TEX13B: variants seen among roughly 807,000 people sequenced by gnomAD.
TEX13B encodes the protein testis-expressed protein 13B.
In TEX13B, 5 loss-of-function variants were observed where a neutral mutation model predicts 11.2. That is an observed-to-expected ratio of 0.44 (90% confidence interval 0.23 to 0.93). The LOEUF (loss-of-function observed/expected upper bound fraction) is 0.93. TEX13B is among the 40% of genes least tolerant of loss of function. The pLI, the probability that TEX13B is intolerant of heterozygous loss-of-function variation, is 0.23. For missense variants in TEX13B, 213 were observed against 244.2 expected, an observed-to-expected ratio of 0.87 and a Z score of 0.85; for synonymous variants, 115 against 100.9, an observed-to-expected ratio of 1.14 and a Z score of -0.84.
At chrX:107,981,620 G>T (rs374223829) in intron 2 of TEX13B, 49 bp downstream of exon 2, 2 of 1,194,103 alleles carry the variant, frequency 1.7e-6, no homozygotes, top group East Asian at 5.9e-5. Context: ...GTCCGGACAG[G>T]TTGGGGCAGG....
At position 107,980,948 on chromosome X, in the gene TEX13B, G is replaced by C. The variant is rs753317029; in HGVS notation, c.*132C>G. The C allele has an allele frequency of 1.2e-5, 12 of 971,841 alleles. No individual in the cohort carries two copies. Among genetic ancestry groups the C allele is most frequent in the Non-Finnish European group, 1.6e-5 (11 of 684,232 alleles). The allele number at this position is 971,841 out of a possible 1,213,427, so 80.1% of individuals were successfully genotyped here. A position where few individuals can be genotyped will look rare whatever the true frequency, so the allele number is the denominator to read the frequency against. On this transcript the variant is annotated 3_prime_UTR_variant, in exon 3 of 3. Transcript: ENST00000302917. ...TGAAAAATTCACAGCTTTACACCAC[G>C]GGCAGTCCCAGTTCCCTGGCCTGCG...
rs1457454102 is a variant in TEX13B, at chrX:107,982,170, G to A, written c.-32-11C>T. On this transcript the variant is annotated splice_polypyrimidine_tract_variant and intron_variant, in intron 1 of 2. Coordinates refer to ENST00000302917, the MANE Select transcript of TEX13B (RefSeq NM_031273.2). The stretch of plus-strand genomic sequence containing the variant: ...ACGGTTTCACTAGCCCTGTGTGGAT[G>A]GAGCAGCCAATAGGTTTCTTTCCTC... 1.8e-6 allele frequency: 2 copies of A among 1,124,130 alleles called. No homozygotes were observed. The highest frequency in any genetic ancestry group is 2.4e-6 in the Non-Finnish European group (2 of 843,501). The allele number at this position is 1,124,130 out of a possible 1,213,427, so 92.6% of individuals were successfully genotyped here.
chrX:107,981,126 T>C lies in TEX13B; in HGVS notation c.893A>G (p.His298Arg). Residue 298 changes from histidine to arginine, a missense_variant, in exon 3 of 3, where the codon CAC becomes CGC. Physicochemically the swap from His to Arg is conservative, Grantham distance 29. Transcript: ENST00000302917. ...GGCATCTGAGTTGGAACCCGTTCTG[T>C]GACCTTTGCTGGTGAAGGGGGTATA... ...TQYTPFTSKG[H>R]RTGSNSDAFQ... The C allele has an allele frequency of 8.3e-7, 1 of 1,211,134 alleles. No individual in the cohort carries two copies. Among genetic ancestry groups the C allele is most frequent in the Non-Finnish European group, 1.1e-6 (1 of 895,377 alleles).
In TEX13B at chrX:107,981,489, C is replaced by T. The variant is rs968916197; in HGVS notation, c.530G>A (p.Trp177Ter). 3.3e-6 allele frequency: 4 copies of T among 1,210,102 alleles called. No homozygotes were observed. In the African/African-American group the frequency reaches 7.0e-5, roughly 21 times the overall value. The change falls in exon 3 of 3, where the codon TGG becomes TAG. Residue 177 changes from tryptophan to a stop codon, truncating the protein, a stop_gained. Transcript: ENST00000302917. LOFTEE classifies it low-confidence loss of function (END_TRUNC). ...FPGLATAGGD[W>*]TEGAGEQEKE... The stretch of plus-strand genomic sequence containing the variant: ...TTCCTGCTCACCTGCTCCTTCTGTC[C>T]AATCCCCTCCGGCAGTGGCCAGGCC...
In TEX13B at chrX:107,982,084, C is replaced by T; in HGVS notation, c.44G>A (p.Gly15Glu). 2 of 1,208,690 alleles carry T rather than the reference C, an allele frequency of 1.7e-6. No homozygotes were observed. Among genetic ancestry groups the T allele is most frequent in the South Asian group, 1.8e-5 (1 of 56,560 alleles). ...CTCGATGATGAAGGCCACCACGTTTCCGTGCCGGAACCCACTACTGGGGTC... is the reference window on the plus strand; with the variant it reads ...CTCGATGATGAAGGCCACCACGTTTTCGTGCCGGAACCCACTACTGGGGTC... Reference protein sequence around the residue: ...PEDPSSGFRHGNVVAFIIEKM... With the variant: ...PEDPSSGFRHENVVAFIIEKM... Residue 15 changes from glycine (G) to glutamate (E), a missense_variant, in exon 2 of 3, where the codon GGA becomes GAA. Transcript: ENST00000302917.
Position 107,982,350 on chromosome X carries a change from T to G in TEX13B, c.-73A>C, listed in dbSNP as rs6616672. The G allele has an allele frequency of 0.06, 21,784 of 365,427 alleles. 1,207 individuals are homozygous for G. The highest frequency in any genetic ancestry group is 0.25 in the African/African-American group (9,669 of 39,388). The allele number at this position is 365,427 out of a possible 1,213,427, so 30.1% of individuals were successfully genotyped here. A position where few individuals can be genotyped will look rare whatever the true frequency, so the allele number is the denominator to read the frequency against. On this transcript the variant is annotated 5_prime_UTR_variant, in exon 1 of 3. Coordinates refer to ENST00000302917, the MANE Select transcript of TEX13B (RefSeq NM_031273.2). The stretch of plus-strand genomic sequence containing the variant: ...CAGAGGAAGTACAGGCCAACCCCGC[T>G]GCTTAACACGCCTGAAGAGAGGGTG...
intron 1 of TEX13B, 50 bp downstream of exon 1, chrX:107,982,260 A>C: frequency 1.6e-6 from 1 of 624,248 alleles, no homozygotes; most frequent in Non-Finnish European, 2.3e-6. Flanking sequence ...CCTCCTAATG[A>C]CCCTCTGACC....
rs1407546466 is a variant in TEX13B at position 107,981,028 on chromosome X, G to C, written c.*52C>G. 2.4e-5 allele frequency: 29 copies of C among 1,201,006 alleles called. No homozygotes were observed. The highest frequency in any genetic ancestry group is 3.1e-5 in the Non-Finnish European group (28 of 890,675). ...GTTCGGAGTCTCTCCTGTCTCTTGG[G>C]GGCTCTTGAGGGTCTATTCCCTGGG... On this transcript the variant is annotated 3_prime_UTR_variant, in exon 3 of 3. Transcript: ENST00000302917.
chrX:107,981,551 T>C lies in TEX13B; in HGVS notation c.468A>G (p.Ala156=). ...TAGCCTGGCCCTGTCCCTGGGGAGG[T>C]GCCAGCTCCTGGAGAGAAGTAGGCA... ...LRWKLFHAEL[A]PPQGQGQATV... is the part of the protein sequence containing the mutation. Residue 156 remains alanine, a synonymous_variant, in exon 3 of 3, where the codon GCA becomes GCG. Coordinates refer to ENST00000302917, the MANE Select transcript of TEX13B (RefSeq NM_031273.2). 1 of 1,209,871 alleles carries C rather than the reference T, an allele frequency of 8.3e-7. No individual in the cohort carries two copies. The highest frequency in any genetic ancestry group is 1.1e-6 in the Non-Finnish European group (1 of 894,690).
rs745558335 is a variant in TEX13B, at chrX:107,981,307, C to T, written c.712G>A (p.Ala238Thr). 24 of 1,210,109 alleles carry T rather than the reference C, an allele frequency of 2.0e-5. No homozygotes were observed. The South Asian group carries it at 4.2e-4, about 21-fold the overall frequency. The change falls in exon 3 of 3, where the codon GCA becomes ACA. Residue 238 changes from alanine (A) to threonine (T), a missense_variant. Coordinates refer to ENST00000302917, the MANE Select transcript of TEX13B (RefSeq NM_031273.2). ...CTGACCTGAGATCTTTCTCCCTCTG[C>T]CCCGCAAAGGTGTAATTTGCCTGCT... ...IVAGKLHLCG[A>T]EGERSQVSTN...
rs1933758590 is a variant in TEX13B at position 107,981,219 on chromosome X, C to G, written c.800G>C (p.Cys267Ser). Residue 267 changes from cysteine (C) to serine (S), a missense_variant, in exon 3 of 3, where the codon TGT becomes TCT. Cys to Ser is a moderately radical substitution (Grantham distance 112). Coordinates refer to ENST00000302917, the MANE Select transcript of TEX13B (RefSeq NM_031273.2). Reference sequence around the variant, plus strand: ...TATGTGAATGAGGTAGGGAGCTGGACAGGAAGAGGCTCCAGTGAGACTGTG... The same window carrying G: ...TATGTGAATGAGGTAGGGAGCTGGAGAGGAAGAGGCTCCAGTGAGACTGTG... Reference protein sequence around the residue: ...WVHSLTGASSCPAPYLIHILI... With the variant: ...WVHSLTGASSSPAPYLIHILI... The G allele has an allele frequency of 2.5e-6, 3 of 1,209,953 alleles. No homozygotes were observed. Among genetic ancestry groups the G allele is most frequent in the Non-Finnish European group, 3.4e-6 (3 of 895,215 alleles).
chrX:107,981,392 G>A lies in TEX13B; in HGVS notation c.627C>T (p.Ala209=). The A allele has an allele frequency of 8.3e-7, 1 of 1,211,580 alleles. No homozygotes were observed. The highest frequency in any genetic ancestry group is 1.1e-6 in the Non-Finnish European group (1 of 895,439). Residue 209 remains alanine, a synonymous_variant, in exon 3 of 3, where the codon GCC becomes GCT. Transcript: ENST00000302917. ...GEERYAEAGP[A]PAEVLQGLGG... ...CCAGCCCCTGCAAGACCTCTGCGGG[G>A]GCAGGCCCTGCCTCTGCATACCTCT...
At position 107,980,944 on chromosome X, in the gene TEX13B, C is replaced by A; in HGVS notation, c.*136G>T. 2.1e-6 allele frequency: 2 copies of A among 967,734 alleles called. No individual in the cohort carries two copies. The highest frequency in any genetic ancestry group is 1.5e-6 in the Non-Finnish European group (1 of 680,932). 79.8% of individuals were successfully genotyped at this position (967,734 alleles called of 1,213,427 possible). ...TCCATGAAAAATTCACAGCTTTACA[C>A]CACGGGCAGTCCCAGTTCCCTGGCC... On this transcript the variant is annotated 3_prime_UTR_variant, in exon 3 of 3. Transcript: ENST00000302917.
rs1322542729 is a variant in TEX13B, at chrX:107,981,388, C to T, written c.631G>A (p.Ala211Thr). ...CCTCCCAGCCCCTGCAAGACCTCTG[C>T]GGGGGCAGGCCCTGCCTCTGCATAC... is the stretch of plus-strand genomic sequence containing the variant. ...ERYAEAGPAP[A>T]EVLQGLGGGF... Residue 211 changes from alanine to threonine, a missense_variant, in exon 3 of 3, where the codon GCA becomes ACA. Physicochemically the swap from Ala to Thr is moderately conservative, Grantham distance 58 (BLOSUM62 0). Coordinates refer to ENST00000302917, the MANE Select transcript of TEX13B (RefSeq NM_031273.2). 5 of 1,211,805 alleles carry T rather than the reference C, an allele frequency of 4.1e-6. No individual in the cohort carries two copies. The highest frequency in any genetic ancestry group is 3.5e-5 in the African/African-American group (2 of 57,737).
intron 1 of TEX13B, 40 bp downstream of exon 1, chrX:107,982,270 C>T (rs41312560): frequency 0.024 from 14,562 of 599,588 alleles, 212 homozygotes; most frequent in Admixed American, 0.09. Flanking sequence ...ACCCTCTGAC[C>T]GGCTTGTCCT....
In TEX13B at chrX:107,982,173, G is replaced by A. The variant is rs755614844; in HGVS notation, c.-32-14C>T. The A allele has an allele frequency of 2.2e-4, 246 of 1,113,079 alleles. No individual in the cohort carries two copies. The highest frequency in any genetic ancestry group is 2.8e-4 in the Non-Finnish European group (235 of 836,439). 91.7% of individuals were successfully genotyped at this position (1,113,079 alleles called of 1,213,427 possible). ...GTTTCACTAGCCCTGTGTGGATGGA[G>A]CAGCCAATAGGTTTCTTTCCTCCTC... On this transcript the variant is annotated splice_polypyrimidine_tract_variant and intron_variant, in intron 1 of 2. Transcript: ENST00000302917.
rs769607077 is a variant in TEX13B at position 107,981,870 on chromosome X, T to C, written c.258A>G (p.Gln86=). ...VRFAHRQGQL[Q]NRRVQWLQGF... ...CTTGCAGCCACTGCACCCTGCGGTT[T>C]TGTAACTGCCCCTGCCTGTGGGCAA... Residue 86 remains glutamine, a synonymous_variant, in exon 2 of 3, where the codon CAA becomes CAG. Coordinates refer to ENST00000302917, the MANE Select transcript of TEX13B (RefSeq NM_031273.2). 1.2e-5 allele frequency: 15 copies of C among 1,209,265 alleles called. No individual in the cohort carries two copies. Among genetic ancestry groups the C allele is most frequent in the Non-Finnish European group, 1.6e-5 (14 of 893,464 alleles).
Position 107,981,087 on chromosome X carries a change from C to T in TEX13B, c.932G>A (p.Gly311Asp). 8.3e-7 allele frequency: 1 copy of T among 1,210,319 alleles called. No homozygotes were observed. The highest frequency in any genetic ancestry group is 1.1e-6 in the Non-Finnish European group (1 of 895,007). The part of the protein sequence containing the change: ...GSNSDAFQLG[G>D]L The stretch of plus-strand genomic sequence containing the variant: ...TCTGACCACAGGCTAGCATCAGAGG[C>T]CCCCCAGTTGAAAGGCATCTGAGTT... The change falls in exon 3 of 3, where the codon GGC becomes GAC. Residue 311 changes from glycine (G) to aspartate (D), a missense_variant. Gly to Asp is a moderately conservative substitution (Grantham distance 94). Transcript: ENST00000302917.
rs1322542729 is a variant in TEX13B, at chrX:107,981,388, C to A, written c.631G>T (p.Ala211Ser). The change falls in exon 3 of 3, where the codon GCA becomes TCA. Residue 211 changes from alanine to serine, a missense_variant. Coordinates refer to ENST00000302917, the MANE Select transcript of TEX13B (RefSeq NM_031273.2). ...CCTCCCAGCCCCTGCAAGACCTCTG[C>A]GGGGGCAGGCCCTGCCTCTGCATAC... is the stretch of plus-strand genomic sequence containing the variant. ...ERYAEAGPAP[A>S]EVLQGLGGGF... The A allele has an allele frequency of 8.3e-7, 1 of 1,211,805 alleles. No homozygotes were observed. The highest frequency in any genetic ancestry group is 1.1e-6 in the Non-Finnish European group (1 of 895,490).
Sources: gnomAD v4.1 joint callset for allele counts on GRCh38, gnomAD v4.1.1 for gene constraint, MANE v1.5 for transcripts, NCBI Gene and HGNC (gene_info 2026-07-23, HGNC 2026-07-21) for gene names.